CSMD1: variants seen among roughly 807,000 people sequenced by gnomAD.
The protein encoded by CSMD1 is CUB and Sushi multiple domains 1.
A neutral mutation model predicts 417.5 loss-of-function variants in CSMD1; 213 were observed. That is an observed-to-expected ratio of 0.51 (90% confidence interval 0.46 to 0.57). The LOEUF (loss-of-function observed/expected upper bound fraction) is 0.57, where lower values mean the gene tolerates loss of function less well. CSMD1 is among the 20% of genes least tolerant of loss of function. The pLI, the probability that CSMD1 is intolerant of heterozygous loss-of-function variation, is 0.00. For missense variants in CSMD1, 6,923 were observed against 4,529.7 expected, an observed-to-expected ratio of 1.53 and a Z score of -15.17; for synonymous variants, 2,862 against 1,736.8, an observed-to-expected ratio of 1.65 and a Z score of -16.11.
intron 69 of CSMD1, among the ~76,000 whole-genome samples, chr8:2,940,081 T>A (rs1383021987): frequency 6.6e-6 from 1 of 151,972 alleles, no homozygotes; most frequent in Non-Finnish European, 1.5e-5. Context: ...AGAAACAGGG[T>A]TTTTCTGGAG....
chr8:3,156,184 T>C lies in CSMD1; in HGVS notation c.5914+1713A>G, dbSNP rs189823436. Reference sequence around the variant, plus strand: ...TTCATCCATATAGAGTTGACCACTTTCTCCTAAAACACCATTTGGCAGTAT... The same window carrying C: ...TTCATCCATATAGAGTTGACCACTTCCTCCTAAAACACCATTTGGCAGTAT... On this transcript the variant is annotated intron_variant, in intron 39 of 69. Coordinates refer to ENST00000635120, the MANE Select transcript of CSMD1 (RefSeq NM_033225.6). Among the ~76,000 whole-genome samples, 1,472 of 152,292 alleles carry C rather than the reference T, an allele frequency of 9.7e-3. 15 individuals carry two copies. Among genetic ancestry groups the C allele is most frequent in the Non-Finnish European group, 0.015 (1,034 of 68,018 alleles).
rs1227515381 is a variant in CSMD1 at position 3,614,466 on chromosome 8, C to G, written c.1097+2244G>C. 3.3e-5 allele frequency among the ~76,000 whole-genome samples: 5 copies of G among 152,236 alleles called. 1 individual carries two copies. In the South Asian group the frequency reaches 8.3e-4, roughly 25 times the overall value. On this transcript the variant is annotated intron_variant, in intron 8 of 69. Coordinates refer to ENST00000635120, the MANE Select transcript of CSMD1 (RefSeq NM_033225.6). ...ATGGAGTAAAGATTGGCTTACTCACCTAGGATATGATTAAAACTTCCATGA... is the reference window on the plus strand; with the variant it reads ...ATGGAGTAAAGATTGGCTTACTCACGTAGGATATGATTAAAACTTCCATGA...
chr8:3,983,043 C>G (rs1248918258), intron 5 of CSMD1, among the ~76,000 whole-genome samples: 12 of 152,040 alleles, frequency 7.9e-5, no homozygotes, highest in African/African-American at 2.9e-4. Flanking sequence ...GGGCCGGGAT[C>G]CCAATCCAAG....
chr8:4,007,996 G>C (rs1219167228), intron 4 of CSMD1, among the ~76,000 whole-genome samples: 1 of 152,192 alleles, frequency 6.6e-6, no homozygotes, highest in African/African-American at 2.4e-5. Flanking sequence ...ATTCATAATT[G>C]TAGCAATCCA....
chr8:4,726,239 CT>C (rs1809433689), intron 1 of CSMD1, among the ~76,000 whole-genome samples: 2 of 151,776 alleles, frequency 1.3e-5, no homozygotes, highest in African/African-American at 4.8e-5. Flanking sequence ...CAGAAAAACT[CT>C]TGTGTGTTTC....
intron 5 of CSMD1, among the ~76,000 whole-genome samples, chr8:3,858,615 C>T (rs1022824422): frequency 2.0e-5 from 3 of 152,068 alleles, no homozygotes; most frequent in Non-Finnish European, 4.4e-5. Flanking sequence ...TTCTCGAAGG[C>T]CTATTTAAAA....
chr8:4,620,853 A>T (rs1801737953), intron 2 of CSMD1, among the ~76,000 whole-genome samples: 2 of 151,910 alleles, frequency 1.3e-5, no homozygotes, highest in Admixed American at 6.6e-5. Context: ...AGGAGACTAA[A>T]CCCAAAATAA....
chr8:4,950,105 A>T (rs1211796893), intron 1 of CSMD1, among the ~76,000 whole-genome samples: 1 of 109,656 alleles, frequency 9.1e-6, no homozygotes, highest in African/African-American at 2.9e-5. Flanking sequence ...AAAACATAGA[A>T]ATGTTTCATA....
intron 3 of CSMD1, among the ~76,000 whole-genome samples, chr8:4,123,020 T>C (rs1007199125): frequency 6.6e-6 from 1 of 152,202 alleles, no homozygotes; most frequent in Non-Finnish European, 1.5e-5. Flanking sequence ...TTTGACAAAT[T>C]ACAATCAGAG....
chr8:4,020,478 G>T (rs534603372), intron 4 of CSMD1, among the ~76,000 whole-genome samples: 2 of 152,216 alleles, frequency 1.3e-5, no homozygotes, highest in East Asian at 3.9e-4. Context: ...TGACCGCTAG[G>T]GTCAGGCTGC....
intron 3 of CSMD1, among the ~76,000 whole-genome samples, chr8:4,212,719 CATT>C (rs1278406009): frequency 1.4e-5 from 2 of 140,424 alleles, no homozygotes; most frequent in East Asian, 4.5e-4. Context: ...GAATATGAAA[CATT>C]GTGAAAAGTT....
intron 3 of CSMD1, among the ~76,000 whole-genome samples, chr8:4,152,777 T>C (rs1363542646): frequency 5.3e-5 from 8 of 152,120 alleles, no homozygotes; most frequent in African/African-American, 1.4e-4. Flanking sequence ...CAAATATATA[T>C]GCATGCATTT....
chr8:4,050,820 A>G (rs1161330350), intron 3 of CSMD1, among the ~76,000 whole-genome samples: 1 of 152,180 alleles, frequency 6.6e-6, no homozygotes, highest in Admixed American at 6.5e-5. Flanking sequence ...CTTTATCTCA[A>G]GTGCCAATTT....
chr8:3,657,590 C>G (rs1251774694), intron 7 of CSMD1, among the ~76,000 whole-genome samples: 1 of 152,046 alleles, frequency 6.6e-6, no homozygotes, highest in Non-Finnish European at 1.5e-5. Context: ...CAAACTAACT[C>G]AAGAACAAAA....
intron 5 of CSMD1, among the ~76,000 whole-genome samples, chr8:3,911,346 C>A (rs149802881): frequency 6.6e-6 from 1 of 151,076 alleles, no homozygotes; most frequent in Non-Finnish European, 1.5e-5. Flanking sequence ...AGCTAACACA[C>A]TGAAACCCCA....
chr8:4,697,492 C>T (rs1274610762), intron 1 of CSMD1, among the ~76,000 whole-genome samples: 1 of 152,124 alleles, frequency 6.6e-6, no homozygotes, highest in Non-Finnish European at 1.5e-5. Flanking sequence ...ATAACATATT[C>T]CTTTGGCTTT....
chr8:4,562,550 A>G (rs1476681562), intron 2 of CSMD1, among the ~76,000 whole-genome samples: 1 of 152,244 alleles, frequency 6.6e-6, no homozygotes, highest in Non-Finnish European at 1.5e-5. Flanking sequence ...ATAAGTATAC[A>G]TGAAATGGAA....
intron 40 of CSMD1, chr8:3,151,178 T>C (rs1819171736): frequency 4.3e-6 from 2 of 466,514 alleles, no homozygotes; most frequent in African/African-American, 2.0e-5. Flanking sequence ...ATTCGGCCAA[T>C]TTAATTTGCC....
intron 52 of CSMD1, among the ~76,000 whole-genome samples, chr8:3,015,645 A>G (rs1328364698): frequency 1.3e-5 from 2 of 152,078 alleles, no homozygotes; most frequent in African/African-American, 4.8e-5. Flanking sequence ...ATCTTTAGTA[A>G]CAGTCATTTC....
Sources: allele counts gnomAD v4.1 joint callset (sites outside exome capture counted in the v4.1 genomes callset), GRCh38; gene constraint gnomAD v4.1.1; transcripts MANE v1.5; gene names NCBI Gene and HGNC (gene_info 2026-07-23, HGNC 2026-07-21).